Variants in FSIP1 observed in about 807,000 individuals in gnomAD.
FSIP1 encodes the protein fibrous sheath-interacting protein 1.
FSIP1 carries 65 observed loss-of-function variants against 60.9 expected under a neutral mutation model. The observed-to-expected ratio is 1.07, with a 90% CI of 0.87 to 1.31. The LOEUF is 1.31. FSIP1 is among the 40% of genes most tolerant of loss of function. The pLI, the probability that FSIP1 is intolerant of heterozygous loss-of-function variation, is 0.00. For synonymous variants in FSIP1, 209 were observed against 221.2 expected (o/e 0.94, Z 0.49); for missense variants, 675 against 665.5 (o/e 1.01, Z -0.16).
chr15:39,670,940 T>C (rs1232015199), intron 10 of FSIP1, among the ~76,000 whole-genome samples: 1 of 152,126 alleles, frequency 6.6e-6, no homozygotes, highest in Non-Finnish European at 1.5e-5. Flanking sequence ...CCAAACCACA[T>C]ATATACCACT....
chr15:39,743,880 C>T (rs75214252), intron 5 of FSIP1, among the ~76,000 whole-genome samples: 2 of 152,202 alleles, frequency 1.3e-5, no homozygotes, highest in Admixed American at 6.5e-5. Context: ...AACTAGAGGA[C>T]ATGCTACAAA....
intron 1 of FSIP1, among the ~76,000 whole-genome samples, chr15:39,776,819 G>T (rs1898080205): frequency 6.6e-6 from 1 of 152,080 alleles, no homozygotes; most frequent in African/African-American, 2.4e-5. Context: ...TGGGCCTCCA[G>T]GAAAAAACAT....
chr15:39,716,318 G>A (rs1895736869), intron 9 of FSIP1, among the ~76,000 whole-genome samples: 1 of 151,964 alleles, frequency 6.6e-6, no homozygotes, highest in Non-Finnish European at 1.5e-5. Context: ...TAAATCTTGG[G>A]GCAAGCAAAG....
intron 10 of FSIP1, among the ~76,000 whole-genome samples, chr15:39,708,951 C>T (rs1352114666): frequency 1.3e-5 from 2 of 152,154 alleles, no homozygotes; most frequent in Non-Finnish European, 2.9e-5. Flanking sequence ...GTCTACTTCC[C>T]CTAGCTCCTA....
In FSIP1 at chr15:39,641,556, T is replaced by C. The variant is rs963762537; in HGVS notation, c.1189-23311A>G. Among the ~76,000 whole-genome samples, 5 of 152,170 alleles carry C rather than the reference T, an allele frequency of 3.3e-5. No homozygotes were observed. The South Asian group carries it at 6.2e-4, about 19-fold the overall frequency. ...CAAATAAGCACTATGACAAATATAATAAAATATGATGCATAAAAATGATGT... is the reference window on the plus strand; with the variant it reads ...CAAATAAGCACTATGACAAATATAACAAAATATGATGCATAAAAATGATGT... On this transcript the variant is annotated intron_variant, in intron 10 of 11. Transcript: ENST00000350221.
At chr15:39,732,390 T>C (rs2140615589) in intron 8 of FSIP1, among the ~76,000 whole-genome samples, 2 of 152,112 alleles carry the variant, frequency 1.3e-5, no homozygotes, top group East Asian at 3.9e-4. Context: ...GAGGCTGAGG[T>C]GGGCAGATCA....
intron 10 of FSIP1, among the ~76,000 whole-genome samples, chr15:39,682,475 C>T (rs1894204867): frequency 6.6e-6 from 1 of 152,198 alleles, no homozygotes; most frequent in Non-Finnish European, 1.5e-5. Context: ...ATTCTCAGTG[C>T]AGGCACAGCC....
chr15:39,732,108 A>G (rs2140614480), intron 8 of FSIP1, among the ~76,000 whole-genome samples: 1 of 152,218 alleles, frequency 6.6e-6, no homozygotes, highest in East Asian at 1.9e-4. Context: ...AGAGCAGACA[A>G]CCTAGATCCC....
chr15:39,765,430 G>A (rs975325782), intron 4 of FSIP1, among the ~76,000 whole-genome samples, 162 bp downstream of exon 4: 3 of 151,764 alleles, frequency 2.0e-5, no homozygotes, highest in African/African-American at 7.3e-5. Context: ...TTTTTGTACA[G>A]ATGGGGTCTC....
At chr15:39,775,568 TC>T (rs2077124352) in intron 2 of FSIP1, among the ~76,000 whole-genome samples, 1 of 152,148 alleles carries the variant, frequency 6.6e-6, no homozygotes, top group Non-Finnish European at 1.5e-5. Context: ...TGACTCTGTG[TC>T]CCCACCCAAA....
chr15:39,761,873 A>G (rs557486942), intron 5 of FSIP1, among the ~76,000 whole-genome samples: 33 of 152,316 alleles, frequency 2.2e-4, no homozygotes, highest in Non-Finnish European at 3.8e-4. Flanking sequence ...TTTTTAAGTT[A>G]ATGGCATAAA....
At chr15:39,699,056 A>G (rs1009054569) in intron 10 of FSIP1, among the ~76,000 whole-genome samples, 4 of 152,206 alleles carry the variant, frequency 2.6e-5, no homozygotes, top group African/African-American at 4.8e-5. Flanking sequence ...ATGTTCAGGC[A>G]GTGTATCTAT....
chr15:39,772,779 C>T lies in FSIP1; in HGVS notation c.127-2169G>A, dbSNP rs189407595. On this transcript the variant is annotated intron_variant, in intron 2 of 11. Coordinates refer to ENST00000350221, the MANE Select transcript of FSIP1 (RefSeq NM_152597.5). ...CTAATTTTTGTATTTTTAGTAGAGACGGGGTTTCACCATGTTGGCCAGGCT... is the reference window on the plus strand; with the variant it reads ...CTAATTTTTGTATTTTTAGTAGAGATGGGGTTTCACCATGTTGGCCAGGCT... Among the ~76,000 whole-genome samples, 1,237 of 150,408 alleles carry T rather than the reference C, an allele frequency of 8.2e-3. 7 individuals are homozygous for T. Among genetic ancestry groups the T allele is most frequent in the South Asian group, 0.031 (145 of 4,716 alleles).
At chr15:39,652,037 T>C (rs1360321587) in intron 10 of FSIP1, among the ~76,000 whole-genome samples, 1 of 152,228 alleles carries the variant, frequency 6.6e-6, no homozygotes, top group Non-Finnish European at 1.5e-5. Context: ...GATGTTTTTC[T>C]TCCTAGGCAG....
chr15:39,699,615 T>C (rs1347063153), intron 10 of FSIP1, among the ~76,000 whole-genome samples: 1 of 152,246 alleles, frequency 6.6e-6, no homozygotes, highest in Non-Finnish European at 1.5e-5. Flanking sequence ...AGCCTGCTAT[T>C]CAACATGGCC....
intron 11 of FSIP1, among the ~76,000 whole-genome samples, chr15:39,616,927 C>G (rs1228909961): frequency 6.6e-6 from 1 of 152,170 alleles, no homozygotes; most frequent in African/African-American, 2.4e-5. Context: ...GAACAAACAA[C>G]ACCTGAACAC....
rs1890606814 is a variant in FSIP1 at position 39,600,692 on chromosome 15, C to CCA, written c.*186_*187dup. 2.0e-6 allele frequency: 1 copy of CCA among 502,650 alleles called. No individual in the cohort carries two copies. The highest frequency in any genetic ancestry group is 2.0e-5 in the African/African-American group (1 of 49,650). 31.1% of individuals were successfully genotyped at this position (502,650 alleles called of 1,614,324 possible). On this transcript the variant is annotated 3_prime_UTR_variant, in exon 12 of 12. Coordinates refer to ENST00000350221, the MANE Select transcript of FSIP1 (RefSeq NM_152597.5). ...TCCCAGAAATTTTAATGAGCAAAAACCACTGAACAATTACACCCCAAGTCT... is the reference window on the plus strand; with the variant it reads ...TCCCAGAAATTTTAATGAGCAAAAACCACACTGAACAATTACACCCCAAGTCT...
intron 10 of FSIP1, among the ~76,000 whole-genome samples, chr15:39,711,024 C>A (rs975045422): frequency 6.6e-6 from 1 of 152,156 alleles, no homozygotes; most frequent in Non-Finnish European, 1.5e-5. Context: ...TCTTAAAGGA[C>A]CCTGGTTTTG....
rs1456491294 is a variant in FSIP1 at position 39,600,181 on chromosome 15, G to C, written c.*699C>G. On this transcript the variant is annotated 3_prime_UTR_variant, in exon 12 of 12. Coordinates refer to ENST00000350221, the MANE Select transcript of FSIP1 (RefSeq NM_152597.5). Reference sequence around the variant, plus strand: ...TCTCATGAATCTAAGTTACTGACTTGTAACTAAACCATCTCTCTTCAAATA... The same window carrying C: ...TCTCATGAATCTAAGTTACTGACTTCTAACTAAACCATCTCTCTTCAAATA... The C allele has an allele frequency of 1.3e-5, 2 of 152,190 alleles. No individual in the cohort carries two copies. Among genetic ancestry groups the C allele is most frequent in the Non-Finnish European group, 2.9e-5 (2 of 68,018 alleles). The allele number at this position is 152,190 out of a possible 1,614,324, so 9.4% of individuals were successfully genotyped here. A position where few individuals can be genotyped will look rare whatever the true frequency, so the allele number is the denominator to read the frequency against.
Sources: allele counts gnomAD v4.1 joint callset (sites outside exome capture counted in the v4.1 genomes callset), GRCh38; gene constraint gnomAD v4.1.1; transcripts MANE v1.5; gene names NCBI Gene and HGNC (gene_info 2026-07-23, HGNC 2026-07-21).